ABL1: variants seen among roughly 807,000 people sequenced by gnomAD.
The protein encoded by ABL1 is ABL proto-oncogene 1, non-receptor tyrosine kinase, also known as tyrosine-protein kinase ABL1.
A neutral mutation model predicts 94.7 loss-of-function variants in ABL1; 11 were observed. The ratio of observed to expected loss-of-function variants is 0.12; its 90% CI spans 0.07 to 0.19. The LOEUF is 0.19. Ranked by LOEUF, ABL1 falls within the 10% of genes least tolerant of loss-of-function variation. The probability of loss-of-function intolerance (pLI) is 1.00; values close to 1 mark genes in which losing one functional copy is unlikely to be tolerated. For missense variants in ABL1, 1,082 were observed against 1,489.4 expected (o/e 0.73, Z 4.50); for synonymous variants, 656 against 622.4 (o/e 1.05, Z -0.80).
intron 4 of ABL1, among the ~76,000 whole-genome samples, chr9:130,868,520 CTTTTTT>C (rs71389371): frequency 5.4e-5 from 6 of 112,114 alleles, no homozygotes; most frequent in East Asian, 2.5e-4. Context: ...TTTTCTTTTT[CTTTTTT>C]TTTTTTTTTT....
At chr9:130,794,651 T>C (rs376977608) in intron 1 of ABL1, among the ~76,000 whole-genome samples, 28 of 152,310 alleles carry the variant, frequency 1.8e-4, no homozygotes, top group African/African-American at 6.3e-4. Context: ...GGGTGAGACA[T>C]TGGGAAATGC....
chr9:130,798,974 A>T, intron 1 of ABL1, among the ~76,000 whole-genome samples: 1 of 151,834 alleles, frequency 6.6e-6, no homozygotes. Context: ...CTCAAAAAAA[A>T]AAAAAAAAAA....
At chr9:130,813,011 C>T (rs1417380914) in intron 1 of ABL1, among the ~76,000 whole-genome samples, 2 of 150,884 alleles carry the variant, frequency 1.3e-5, no homozygotes, top group African/African-American at 2.4e-5. Flanking sequence ...GTCAGGAGTT[C>T]GAGACAAGCC....
chr9:130,735,939 A>ATG (rs1831731205), intron 1 of ABL1, among the ~76,000 whole-genome samples: 1 of 64,534 alleles, frequency 1.5e-5, no homozygotes, highest in East Asian at 8.8e-4. Flanking sequence ...GTGTGCATAT[A>ATG]TATATATATA....
intron 4 of ABL1, among the ~76,000 whole-genome samples, chr9:130,864,293 T>C (rs1831121737): frequency 6.6e-6 from 1 of 152,186 alleles, no homozygotes; most frequent in Non-Finnish European, 1.5e-5. Context: ...TTGCCTAGGC[T>C]GGAGTGCAGT....
chr9:130,751,384 C>A (rs1003278427), intron 1 of ABL1, among the ~76,000 whole-genome samples: 3 of 151,902 alleles, frequency 2.0e-5, no homozygotes, highest in Non-Finnish European at 2.9e-5. Context: ...CTCAGGTGAT[C>A]CACCTGCCTT....
intron 4 of ABL1, among the ~76,000 whole-genome samples, chr9:130,866,016 C>G (rs1327897265): frequency 6.6e-6 from 1 of 152,162 alleles, no homozygotes; most frequent in East Asian, 1.9e-4. Flanking sequence ...TGGAACATTT[C>G]AGATTTTGGA....
chr9:130,885,852 C>A lies in ABL1; in HGVS notation c.*169C>A. 1.2e-6 allele frequency: 1 copy of A among 856,760 alleles called. No homozygotes were observed. Among genetic ancestry groups the A allele is most frequent in the Non-Finnish European group, 1.7e-6 (1 of 574,856 alleles). 53.1% of individuals were successfully genotyped at this position (856,760 alleles called of 1,614,324 possible). Reference sequence around the variant, plus strand: ...CTGTGGAGTCCAGCTCTACTACCTACGTTTGCACCGCCTGCCCTCCCGCAC... The same window carrying A: ...CTGTGGAGTCCAGCTCTACTACCTAAGTTTGCACCGCCTGCCCTCCCGCAC... On this transcript the variant is annotated 3_prime_UTR_variant, in exon 11 of 11. Transcript: ENST00000318560.
rs1173907012 is a variant in ABL1 at position 130,735,311 on chromosome 9, T to G, written c.136+20856T>G. The stretch of plus-strand genomic sequence containing the variant: ...TCCCAAAGTGCTGGGAATACAGGTA[T>G]GAGCCACTGTGCTAGGCCTAAATTG... On this transcript the variant is annotated intron_variant, in intron 1 of 10. Coordinates refer to the ABL1 transcript ENST00000372348. 2.6e-5 allele frequency among the ~76,000 whole-genome samples: 4 copies of G among 152,248 alleles called. No individual in the cohort carries two copies. The East Asian group carries it at 5.8e-4, about 22-fold the overall frequency.
chr9:130,797,165 G>A (rs954744685), intron 1 of ABL1, among the ~76,000 whole-genome samples: 2 of 145,184 alleles, frequency 1.4e-5, no homozygotes, highest in African/African-American at 5.2e-5. Context: ...GAACCCAGGC[G>A]GCAAAGGTTG....
At chr9:130,753,207 A>G (rs1037016060) in intron 1 of ABL1, among the ~76,000 whole-genome samples, 1 of 151,762 alleles carries the variant, frequency 6.6e-6, no homozygotes, top group Non-Finnish European at 1.5e-5. Flanking sequence ...CAGTGAGCCA[A>G]GATCGCGCCA....
chr9:130,776,807 G>A (rs1829664788), intron 1 of ABL1, among the ~76,000 whole-genome samples: 4 of 152,078 alleles, frequency 2.6e-5, no homozygotes, highest in Admixed American at 2.0e-4. Flanking sequence ...GCCCAGCCTG[G>A]TCCCAAACCC....
chr9:130,768,564 A>G (rs1832212293), intron 1 of ABL1, among the ~76,000 whole-genome samples: 1 of 152,100 alleles, frequency 6.6e-6, no homozygotes, highest in South Asian at 2.1e-4. Context: ...GGTCTGGGGG[A>G]TGTTGCTTGT....
chr9:130,777,249 C>T (rs1231437195), intron 1 of ABL1, among the ~76,000 whole-genome samples: 1 of 152,188 alleles, frequency 6.6e-6, no homozygotes, highest in African/African-American at 2.4e-5. Context: ...TCCTGGTTGT[C>T]CATTCATGCT....
chr9:130,713,686 C>G (rs1001611617), exon 1 of ABL1, among the ~76,000 whole-genome samples: 1 of 152,228 alleles, frequency 6.6e-6, no homozygotes, highest in African/African-American at 2.4e-5. Context: ...AAGGAAAAGT[C>G]TGGATTGGTT....
intron 1 of ABL1, among the ~76,000 whole-genome samples, chr9:130,792,959 A>G (rs529263988): frequency 6.4e-4 from 97 of 152,210 alleles, no homozygotes; most frequent in African/African-American, 2.3e-3. Flanking sequence ...GATTTTCACT[A>G]TTGTCACCCA....
At chr9:130,855,457 A>G (rs376625329) in intron 3 of ABL1, among the ~76,000 whole-genome samples, 1 of 152,224 alleles carries the variant, frequency 6.6e-6, no homozygotes, top group African/African-American at 2.4e-5. Context: ...AAAAATTCAA[A>G]TAATAGATAA....
chr9:130,867,743 C>T (rs1462795183), intron 4 of ABL1, among the ~76,000 whole-genome samples: 5 of 152,218 alleles, frequency 3.3e-5, no homozygotes, highest in African/African-American at 1.2e-4. Context: ...AAGGAGGGCT[C>T]GGAGCCTGCT....
chr9:130,885,210 ACCC>A lies in ABL1; in HGVS notation c.2923_2925del (p.Pro975del). 5.6e-6 allele frequency: 9 copies of A among 1,613,098 alleles called. No homozygotes were observed. The highest frequency in any genetic ancestry group is 7.6e-6 in the Non-Finnish European group (9 of 1,179,878). On this transcript the variant is annotated inframe_deletion, in exon 11 of 11. Coordinates refer to ENST00000318560, the MANE Select transcript of ABL1 (RefSeq NM_005157.6). Reference sequence around the variant, plus strand: ...GCCACAGTCCGCCAAGCCGTCGGGGACCCCCATCAGCCCAGCCCCCGTTCCCTC... The same window carrying A: ...GCCACAGTCCGCCAAGCCGTCGGGGACCATCAGCCCAGCCCCCGTTCCCTC...
Sources: allele counts gnomAD v4.1 joint callset (sites outside exome capture counted in the v4.1 genomes callset), GRCh38; gene constraint gnomAD v4.1.1; transcripts MANE v1.5; gene names NCBI Gene and HGNC (gene_info 2026-07-23, HGNC 2026-07-21).